PTCHD4: variants seen among roughly 807,000 people sequenced by gnomAD.
PTCHD4 encodes the protein patched domain containing 4.
In PTCHD4, 33 loss-of-function variants were observed where a neutral mutation model predicts 58.1. That is an observed-to-expected ratio of 0.57 (90% confidence interval 0.43 to 0.76). The LOEUF (loss-of-function observed/expected upper bound fraction) is 0.76. Ranked by LOEUF, PTCHD4 falls within the 30% of genes least tolerant of loss-of-function variation. PTCHD4 has a pLI of 0.00. For synonymous variants in PTCHD4, 478 were observed against 409.6 expected (o/e 1.17, Z -2.02); for missense variants, 1,058 against 1,027.1 (o/e 1.03, Z -0.41).
chr6:48,016,224 A>T (rs1762864255), intron 3 of PTCHD4, among the ~76,000 whole-genome samples: 1 of 152,012 alleles, frequency 6.6e-6, no homozygotes, highest in South Asian at 2.1e-4. Flanking sequence ...TAAGATGCTC[A>T]GGGACCTGAA....
Position 48,069,184 on chromosome 6 carries a change from G to A in PTCHD4, c.-227C>T, listed in dbSNP as rs1489598033. Among the ~76,000 whole-genome samples, 1 of 102,784 alleles carries A rather than the reference G, an allele frequency of 9.7e-6. No homozygotes were observed. The highest frequency in any genetic ancestry group is 3.9e-5 in the African/African-American group (1 of 25,706). 67.4% of individuals were successfully genotyped at this position (102,784 alleles called of 152,430 possible). On this transcript the variant is annotated 5_prime_UTR_variant, in exon 2 of 5. Coordinates refer to ENST00000339488, the MANE Select transcript of PTCHD4 (RefSeq NM_001384253.1). ...GGGGAGAGGAGGGAGAAGGGCGGGA[G>A]CACGTTGGGGGTGGGGGGGCAGATA...
At chr6:47,984,416 T>A (rs1044840789) in intron 4 of PTCHD4, among the ~76,000 whole-genome samples, 2 of 152,044 alleles carry the variant, frequency 1.3e-5, no homozygotes, top group Non-Finnish European at 2.9e-5. Flanking sequence ...TCATGAGAAC[T>A]CAATCAATGT....
At chr6:48,062,275 C>T (rs377580424) in intron 3 of PTCHD4, among the ~76,000 whole-genome samples, 20 of 152,060 alleles carry the variant, frequency 1.3e-4, no homozygotes, top group African/African-American at 3.9e-4. Flanking sequence ...GTATTTTTGG[C>T]GGGGTGGGGA....
chr6:47,902,332 G>A lies in PTCHD4; in HGVS notation c.899-22396C>T, dbSNP rs189859627. ...TGAGGAGCTTACAGTCTCACTGGGT[G>A]AAGGCATATATTCAAGAAATACTTA... On this transcript the variant is annotated intron_variant, in intron 4 of 4. Coordinates refer to ENST00000339488, the MANE Select transcript of PTCHD4 (RefSeq NM_001384253.1). Among the ~76,000 whole-genome samples, 4 of 152,268 alleles carry A rather than the reference G, an allele frequency of 2.6e-5. No homozygotes were observed. In the East Asian group the frequency reaches 7.7e-4, roughly 29 times the overall value.
intron 1 of PTCHD4, among the ~76,000 whole-genome samples, chr6:48,107,711 G>A (rs1765763949): frequency 1.3e-5 from 2 of 152,036 alleles, no homozygotes; most frequent in African/African-American, 2.4e-5. Context: ...TCTGACAAAG[G>A]GCTAATATCC....
intron 3 of PTCHD4, among the ~76,000 whole-genome samples, chr6:48,011,283 A>T (rs1459102834): frequency 1.3e-5 from 2 of 152,228 alleles, no homozygotes; most frequent in Admixed American, 1.3e-4. Context: ...AACTGGCATG[A>T]GATGGTATCT....
chr6:47,996,142 T>A (rs1768477641), intron 4 of PTCHD4, among the ~76,000 whole-genome samples: 2 of 152,130 alleles, frequency 1.3e-5, no homozygotes, highest in African/African-American at 4.8e-5. Flanking sequence ...ACTTGTCATG[T>A]GAAATATTTA....
At position 47,878,825 on chromosome 6, in the gene PTCHD4, G is replaced by T; in HGVS notation, c.2010C>A (p.Ile670=). 1.9e-6 allele frequency: 3 copies of T among 1,613,646 alleles called. No individual in the cohort carries two copies. Among genetic ancestry groups the T allele is most frequent in the Non-Finnish European group, 2.5e-6 (3 of 1,179,756 alleles). The part of the protein sequence containing the change: ...IAGFGVLLVL[I]LTFFLVIHPL... Reference sequence around the variant, plus strand: ...GGTGGATCACTAGGAAAAAAGTCAGGATTAACACCAGGAGAACACCAAAGC... The same window carrying T: ...GGTGGATCACTAGGAAAAAAGTCAGTATTAACACCAGGAGAACACCAAAGC... Residue 670 remains isoleucine, a synonymous_variant, in exon 5 of 5, where the codon ATC becomes ATA. Coordinates refer to ENST00000339488, the MANE Select transcript of PTCHD4 (RefSeq NM_001384253.1).
chr6:48,091,941 C>T (rs574188977), intron 1 of PTCHD4, among the ~76,000 whole-genome samples: 9 of 151,932 alleles, frequency 5.9e-5, no homozygotes, highest in Non-Finnish European at 1.0e-4. Flanking sequence ...TGAGCCACCA[C>T]GAGAAATTCT....
chr6:48,062,816 T>A (rs1411247986), intron 3 of PTCHD4, among the ~76,000 whole-genome samples: 1 of 152,160 alleles, frequency 6.6e-6, no homozygotes, highest in African/African-American at 2.4e-5. Flanking sequence ...ACTATAATGA[T>A]AATTATCTAC....
intron 4 of PTCHD4, among the ~76,000 whole-genome samples, chr6:47,987,420 A>T (rs1028718240): frequency 2.0e-4 from 27 of 134,306 alleles, no homozygotes; most frequent in Non-Finnish European, 3.7e-4. Flanking sequence ...AAAAAAGATT[A>T]AAAAAAAAAA....
At chr6:47,897,551 G>A (rs1764562499) in intron 4 of PTCHD4, among the ~76,000 whole-genome samples, 1 of 152,170 alleles carries the variant, frequency 6.6e-6, no homozygotes, top group South Asian at 2.1e-4. Context: ...CCTGGGGAGG[G>A]AGATGTCATT....
intron 3 of PTCHD4, among the ~76,000 whole-genome samples, chr6:48,031,721 T>A (rs1479222002): frequency 6.6e-6 from 1 of 151,984 alleles, no homozygotes; most frequent in Non-Finnish European, 1.5e-5. Flanking sequence ...TCCCCAAAAA[T>A]ACATTAAACA....
chr6:47,998,905 G>C (rs1009243636), intron 4 of PTCHD4, among the ~76,000 whole-genome samples: 6 of 152,062 alleles, frequency 3.9e-5, no homozygotes, highest in African/African-American at 1.4e-4. Context: ...ATAAAAATAG[G>C]CACATTAAAA....
At chr6:47,957,721 A>T (rs1286885547) in intron 4 of PTCHD4, among the ~76,000 whole-genome samples, 2 of 150,744 alleles carry the variant, frequency 1.3e-5, no homozygotes, top group African/African-American at 2.4e-5. Flanking sequence ...CTGCCTCAGT[A>T]TCTAGAGTAG....
At chr6:47,997,219 A>T (rs1031010266) in intron 4 of PTCHD4, among the ~76,000 whole-genome samples, 4 of 151,864 alleles carry the variant, frequency 2.6e-5, no homozygotes, top group African/African-American at 9.7e-5. Flanking sequence ...CATTCGATGA[A>T]GTGAGCCAGT....
At chr6:48,054,965 AT>A (rs1408220159) in intron 3 of PTCHD4, among the ~76,000 whole-genome samples, 1 of 152,180 alleles carries the variant, frequency 6.6e-6, no homozygotes, top group Non-Finnish European at 1.5e-5. Context: ...TAACAATACC[AT>A]TTTTTGATCC....
Position 47,965,106 on chromosome 6 carries a change from T to G in PTCHD4, c.898+43528A>C, listed in dbSNP as rs187217600. 1.6e-4 allele frequency among the ~76,000 whole-genome samples: 24 copies of G among 152,352 alleles called. No homozygotes were observed. In the East Asian group the frequency reaches 3.1e-3, roughly 20 times the overall value. Reference sequence around the variant, plus strand: ...CACATTTACTCTTTATTTTTCCTCTTACCATTCTGTGCATTTTTAATTGGG... The same window carrying G: ...CACATTTACTCTTTATTTTTCCTCTGACCATTCTGTGCATTTTTAATTGGG... On this transcript the variant is annotated intron_variant, in intron 4 of 4. Coordinates refer to ENST00000339488, the MANE Select transcript of PTCHD4 (RefSeq NM_001384253.1).
intron 3 of PTCHD4, among the ~76,000 whole-genome samples, chr6:48,022,917 G>GA (rs200391385): frequency 0.013 from 1,884 of 149,912 alleles, 29 homozygotes; most frequent in African/African-American, 0.042. Context: ...TTCTTGAAAG[G>GA]AAAAAAAAAG....
Sources: allele counts gnomAD v4.1 joint callset (sites outside exome capture counted in the v4.1 genomes callset), GRCh38; gene constraint gnomAD v4.1.1; transcripts MANE v1.5; gene names NCBI Gene and HGNC (gene_info 2026-07-23, HGNC 2026-07-21).